Variants in PIP5KL1 observed in about 807,000 individuals in gnomAD.
The protein encoded by PIP5KL1 is phosphatidylinositol-4-phosphate 5-kinase like 1.
A neutral mutation model predicts 47.6 loss-of-function variants in PIP5KL1; 45 were observed. The observed-to-expected ratio is 0.94, with a 90% CI of 0.74 to 1.21. PIP5KL1 has a LOEUF of 1.21. Among genes scored for constraint, PIP5KL1 ranks in the 50% most tolerant of loss-of-function variants. The pLI is 0.00. For missense variants in PIP5KL1, 577 were observed against 547.6 expected, an observed-to-expected ratio of 1.05 and a Z score of -0.54; for synonymous variants, 256 against 234.6, an observed-to-expected ratio of 1.09 and a Z score of -0.84.
At chr9:127,928,574 C>T (rs576498218) in intron 2 of PIP5KL1, 91 bp from the exon 3 acceptor site, 2 of 1,295,962 alleles carry the variant, frequency 1.5e-6, no homozygotes, top group African/African-American at 1.5e-5. Context: ...GGCCCGTCCC[C>T]CACCTCCTCC....
At chr9:127,926,132 CTTTCTTTCTCTCT>C (rs1034634690) in intron 7 of PIP5KL1, among the ~76,000 whole-genome samples, 153 bp from the exon 8 acceptor site, 6 of 152,002 alleles carry the variant, frequency 3.9e-5, no homozygotes, top group Admixed American at 6.6e-5. Context: ...CTCTTTCTTT[CTTTCTTTCTCTCT>C]TTTCTTTCTT....
Position 127,927,988 on chromosome 9 carries a change from TC to T in PIP5KL1, c.434+76del. 1 of 1,458,056 alleles carries T rather than the reference TC, an allele frequency of 6.9e-7. No homozygotes were observed. The highest frequency in any genetic ancestry group is 2.6e-5 in the Admixed American group (1 of 37,818). 90.3% of individuals were successfully genotyped at this position (1,458,056 alleles called of 1,614,324 possible). The stretch of plus-strand genomic sequence containing the variant: ...CTCTGTTTCTCTCTTCAGGGGGCCT[TC>T]CCCGCCACTGGGAATTCTGCCCTCC... On this transcript the variant is annotated intron_variant, in intron 4 of 9. Transcript: ENST00000388747. This position sits in a 1 kb window ranked among gnomAD's most constrained non-coding sequence, Gnocchi z 5.5.
intron 1 of PIP5KL1, 131 bp from the exon 2 acceptor site, chr9:127,930,016 AAT>A: frequency 1.1e-6 from 1 of 917,816 alleles, no homozygotes; most frequent in Non-Finnish European, 1.6e-6. Context: ...TCAGCTGTAA[AAT>A]AGAGATGATG....
At chr9:127,923,480 G>T (rs1831318371) in intron 9 of PIP5KL1, among the ~76,000 whole-genome samples, 1 of 152,272 alleles carries the variant, frequency 6.6e-6, no homozygotes, top group Non-Finnish European at 1.5e-5. Context: ...CTCACTGACT[G>T]AATGACAGCG....
Position 127,927,313 on chromosome 9 carries a change from AC to A in PIP5KL1, c.577del (p.Val193TrpfsTer33). ...TTCACCCACCTTCTTTCCCCGGTCC[AC>A]CCGCAGACTGTGCACTCCTGGAAGG... is the stretch of plus-strand genomic sequence containing the variant. ...ARLLGVHSLRVDRGKKTYFIV... is the reference protein window; with the variant it reads ...ARLLGVHSLRXDRGKKTYFIV... On this transcript the variant is annotated frameshift_variant, in exon 6 of 10. Transcript: ENST00000388747. LOFTEE classifies it high-confidence loss of function. This position sits in a 1 kb window ranked among gnomAD's most constrained non-coding sequence, Gnocchi z 5.5. 6.2e-7 allele frequency: 1 copy of A among 1,610,042 alleles called. No individual in the cohort carries two copies. The highest frequency in any genetic ancestry group is 1.1e-5 in the South Asian group (1 of 90,524).
intron 9 of PIP5KL1, among the ~76,000 whole-genome samples, chr9:127,924,551 G>T (rs1458695716): frequency 6.6e-6 from 1 of 150,884 alleles, no homozygotes; most frequent in Non-Finnish European, 1.5e-5. Context: ...AGCTACTCAG[G>T]AGGATGAGGC....
At chr9:127,926,144 C>T (rs1328949564) in intron 7 of PIP5KL1, among the ~76,000 whole-genome samples, 165 bp from the exon 8 acceptor site, 2 of 151,776 alleles carry the variant, frequency 1.3e-5, no homozygotes, top group Non-Finnish European at 2.9e-5. Flanking sequence ...TTCTTTCTCT[C>T]TTTTCTTTCT....
At position 127,930,762 on chromosome 9, in the gene PIP5KL1, A is replaced by G. The variant is rs910886343; in HGVS notation, c.-10T>C. On this transcript the variant is annotated 5_prime_UTR_variant, in exon 1 of 10. Coordinates refer to ENST00000388747, the MANE Select transcript of PIP5KL1 (RefSeq NM_001135219.2). ...GGCTCGGCGCAGCCATCGCCCCCGC[A>G]GCAGCTTCCCGGGCTTTGGCCGCAT... 7 of 1,545,086 alleles carry G rather than the reference A, an allele frequency of 4.5e-6. No homozygotes were observed. The highest frequency in any genetic ancestry group is 1.9e-5 in the Admixed American group (1 of 52,882).
rs1488451101 is a variant in PIP5KL1, at chr9:127,928,195, C to A, written c.304G>T (p.Gly102Cys). 1.3e-6 allele frequency: 2 copies of A among 1,538,576 alleles called. No homozygotes were observed. Among genetic ancestry groups the A allele is most frequent in the Non-Finnish European group, 1.8e-6 (2 of 1,142,728 alleles). Reference protein sequence around the residue: ...HEGFELGTLAGPAFAWLRRSL... With the variant: ...HEGFELGTLACPAFAWLRRSL... ...CGGCGCAGCCAGGCAAAGGCGGGGC[C>A]GGCCAGCGTGCCCAGCTCGAAGCCC... Residue 102 changes from glycine (G) to cysteine (C), a missense_variant, in exon 4 of 10, where the codon GGC becomes TGC. Gly to Cys is a radical substitution (Grantham distance 159). Transcript: ENST00000388747.
rs769512742 is a variant in PIP5KL1, at chr9:127,921,972, C to A, written c.1060G>T (p.Gly354Trp). The A allele has an allele frequency of 1.9e-6, 3 of 1,577,162 alleles. No individual in the cohort carries two copies. The highest frequency in any genetic ancestry group is 1.7e-6 in the Non-Finnish European group (2 of 1,162,592). ...LGVVDLATVY[G>W]LRKRLEHLWK... ...AGGTGCTCCAGCCGCTTGCGGAGCCCGTAGACTGTGGCGAGATCCACGACG... is the reference window on the plus strand; with the variant it reads ...AGGTGCTCCAGCCGCTTGCGGAGCCAGTAGACTGTGGCGAGATCCACGACG... The change falls in exon 10 of 10, where the codon GGG (glycine) becomes TGG (tryptophan). Residue 354 changes from glycine (G) to tryptophan (W), a missense_variant. Gly to Trp is a radical substitution (Grantham distance 184). Transcript: ENST00000388747.
chr9:127,930,412 C>T (rs2131642650), intron 1 of PIP5KL1, among the ~76,000 whole-genome samples: 1 of 152,350 alleles, frequency 6.6e-6, no homozygotes, highest in East Asian at 1.9e-4. Context: ...AGCCGCTGAC[C>T]CACCAGTAGT....
chr9:127,930,342 C>T (rs1241331965), intron 1 of PIP5KL1, among the ~76,000 whole-genome samples: 1 of 152,228 alleles, frequency 6.6e-6, no homozygotes, highest in East Asian at 1.9e-4. Flanking sequence ...ACATCTATTC[C>T]ATTCGCCTAT....
intron 2 of PIP5KL1, 67 bp from the exon 3 acceptor site, chr9:127,928,550 G>A (rs1489339381): frequency 6.9e-7 from 1 of 1,444,846 alleles, no homozygotes; most frequent in East Asian, 2.4e-5. Context: ...AGGATCTCCA[G>A]ATGTCCTGCA....
intron 8 of PIP5KL1, 97 bp downstream of exon 8, chr9:127,925,770 G>A: frequency 1.8e-6 from 2 of 1,082,324 alleles, no homozygotes; most frequent in Non-Finnish European, 2.8e-6. Flanking sequence ...GGCCGAATCT[G>A]GGCTCTTAAT....
chr9:127,928,320 A>C (rs1831393601), intron 3 of PIP5KL1, 101 bp from the exon 4 acceptor site: 2 of 1,539,346 alleles, frequency 1.3e-6, no homozygotes, highest in South Asian at 2.4e-5. Context: ...CCCTTCCTGC[A>C]AGGCTCAAGT....
In PIP5KL1 at chr9:127,929,588, C is replaced by T. The variant is rs953974577; in HGVS notation, c.228+100G>A. On this transcript the variant is annotated intron_variant, in intron 2 of 9. Coordinates refer to ENST00000388747, the MANE Select transcript of PIP5KL1 (RefSeq NM_001135219.2). This position sits in a 1 kb window ranked among gnomAD's most constrained non-coding sequence, Gnocchi z 4.0. The stretch of plus-strand genomic sequence containing the variant: ...CTCTCTGCCTTCCTCCCCTTGATAT[C>T]CCTCTCTGATCCCCACACCTGCAGT... The T allele has an allele frequency of 2.5e-6, 3 of 1,214,346 alleles. No individual in the cohort carries two copies. Among genetic ancestry groups the T allele is most frequent in the Middle Eastern group, 4.4e-4 (2 of 4,554 alleles). The allele number at this position is 1,214,346 out of a possible 1,614,324, so 75.2% of individuals were successfully genotyped here.
chr9:127,929,777 T>A lies in PIP5KL1; in HGVS notation c.139A>T (p.Ser47Cys). 3.8e-6 allele frequency: 6 copies of A among 1,565,908 alleles called. No homozygotes were observed. The highest frequency in any genetic ancestry group is 5.2e-6 in the Non-Finnish European group (6 of 1,155,356). Residue 47 changes from serine (S) to cysteine (C), a missense_variant, in exon 2 of 10, where the codon AGC becomes TGC. By Grantham distance (112) the Ser-to-Cys change is moderately radical. Coordinates refer to ENST00000388747, the MANE Select transcript of PIP5KL1 (RefSeq NM_001135219.2). This position sits in a 1 kb window ranked among gnomAD's most constrained non-coding sequence, Gnocchi z 4.0. ...KQSRLGLFEI[S>C]PGHELHGMTC... is the part of the protein sequence containing the mutation. ...ATCCCATGCAGTTCATGCCCCGGGC[T>A]GATCTCAAACAGGCCCAGGCGAGAC... is the stretch of plus-strand genomic sequence containing the variant.
In PIP5KL1 at chr9:127,921,818, CA is replaced by C. The variant is rs752972053; in HGVS notation, c.*28del. On this transcript the variant is annotated 3_prime_UTR_variant, in exon 10 of 10. Transcript: ENST00000388747. ...GCGTTCCTGGCGTGAGCCCATCGTC[CA>C]GATCCGGAGAGTGGGGCCGGGCGCC... 1.9e-6 allele frequency: 3 copies of C among 1,556,348 alleles called. No homozygotes were observed. The highest frequency in any genetic ancestry group is 2.6e-6 in the Non-Finnish European group (3 of 1,156,196).
chr9:127,930,713 C>G lies in PIP5KL1; in HGVS notation c.30+10G>C, dbSNP rs766617338. On this transcript the variant is annotated intron_variant, in intron 1 of 9. Coordinates refer to ENST00000388747, the MANE Select transcript of PIP5KL1 (RefSeq NM_001135219.2). ...TTCCCTCTCCTGTCCTCTCTCGGGTCCGCACCTACCTCGCGGGGCCCCGGG... is the reference window on the plus strand; with the variant it reads ...TTCCCTCTCCTGTCCTCTCTCGGGTGCGCACCTACCTCGCGGGGCCCCGGG... 1.3e-6 allele frequency: 2 copies of G among 1,571,784 alleles called. No individual in the cohort carries two copies. The highest frequency in any genetic ancestry group is 1.7e-6 in the Non-Finnish European group (2 of 1,162,326).
Sources: allele counts gnomAD v4.1 joint callset (sites outside exome capture counted in the v4.1 genomes callset), GRCh38; gene constraint gnomAD v4.1.1; non-coding constraint Gnocchi (gnomAD v3.1); transcripts MANE v1.5; gene names NCBI Gene and HGNC (gene_info 2026-07-23, HGNC 2026-07-21).